Variants in EYA1 observed in about 807,000 individuals in gnomAD.
EYA1 encodes the protein EYA transcriptional coactivator and phosphatase 1, also known as protein phosphatase EYA1.
Under a neutral mutation model 82.0 loss-of-function variants are expected in EYA1, and 16 were observed. The observed-to-expected ratio is 0.20, with a 90% CI of 0.13 to 0.30. The LOEUF (loss-of-function observed/expected upper bound fraction) is 0.30, where lower values mean the gene tolerates loss of function less well. Ranked by LOEUF, EYA1 falls within the 10% of genes least tolerant of loss-of-function variation. The pLI is 1.00. For missense variants in EYA1, 633 were observed against 730.7 expected (o/e 0.87, Z 1.54); for synonymous variants, 261 against 264.4 (o/e 0.99, Z 0.12).
chr8:71,244,511 T>C, intron 12 of EYA1, 92 bp downstream of exon 12: 1 of 730,328 alleles, frequency 1.4e-6, no homozygotes, highest in African/African-American at 1.8e-5. Context: ...ACTATTCCAA[T>C]TATACATTAA....
intron 2 of EYA1, among the ~76,000 whole-genome samples, chr8:71,476,240 T>C (rs2129206688): frequency 6.6e-6 from 1 of 152,262 alleles, no homozygotes; most frequent in South Asian, 2.1e-4. Flanking sequence ...ATTCAATTCT[T>C]CTGGAATAGA....
chr8:71,224,829 T>C lies in EYA1; in HGVS notation c.1141-7806A>G, dbSNP rs999351866. On this transcript the variant is annotated intron_variant, in intron 12 of 17. Coordinates refer to ENST00000340726, the MANE Select transcript of EYA1 (RefSeq NM_000503.6). ...AGGGAATGCTCTCCATGGTGGTTTT[T>C]CGAAATAACTCTCAACTCTCCAGAT... Among the ~76,000 whole-genome samples, 4 of 152,340 alleles carry C rather than the reference T, an allele frequency of 2.6e-5. No homozygotes were observed. The East Asian group carries it at 7.7e-4, about 29-fold the overall frequency.
chr8:71,285,606 G>A (rs985013261), intron 9 of EYA1, among the ~76,000 whole-genome samples: 26 of 152,202 alleles, frequency 1.7e-4, no homozygotes, highest in African/African-American at 6.0e-4. Flanking sequence ...GCAAAGAGAA[G>A]AAATGATAAA....
upstream of EYA1, among the ~76,000 whole-genome samples, chr8:71,366,881 TTAA>T (rs781209041): frequency 4.6e-5 from 7 of 152,142 alleles, no homozygotes; most frequent in Non-Finnish European, 8.8e-5. Context: ...GCCCATAAAG[TTAA>T]TAAAAATCCA....
intron 7 of EYA1, among the ~76,000 whole-genome samples, chr8:71,301,585 G>A (rs1288007803): frequency 6.6e-6 from 1 of 152,060 alleles, no homozygotes; most frequent in Non-Finnish European, 1.5e-5. Context: ...TATTAAGAAG[G>A]GAATCTATAT....
intron 11 of EYA1, among the ~76,000 whole-genome samples, chr8:71,252,458 G>C (rs191151432): frequency 6.6e-5 from 10 of 152,156 alleles, no homozygotes; most frequent in Admixed American, 5.9e-4. Context: ...TACTACTCAA[G>C]GCACTTTCGA....
chr8:71,523,945 G>A (rs1813630702), intron 2 of EYA1, among the ~76,000 whole-genome samples: 1 of 152,132 alleles, frequency 6.6e-6, no homozygotes, highest in South Asian at 2.1e-4. Context: ...GATTTTGTTA[G>A]TCCCCACTAA....
At chr8:71,454,305 C>T (rs1270867751) in intron 2 of EYA1, among the ~76,000 whole-genome samples, 2 of 152,170 alleles carry the variant, frequency 1.3e-5, no homozygotes, top group Non-Finnish European at 2.9e-5. Context: ...GACTTAGTCT[C>T]CCACACAATA....
At chr8:71,539,702 C>G (rs1266761062) in intron 1 of EYA1, among the ~76,000 whole-genome samples, 1 of 152,140 alleles carries the variant, frequency 6.6e-6, no homozygotes, top group Non-Finnish European at 1.5e-5. Flanking sequence ...AGATTTTGGA[C>G]TGTTAATGAA....
intron 4 of EYA1, among the ~76,000 whole-genome samples, chr8:71,326,000 A>G (rs1318180070): frequency 1.3e-5 from 2 of 152,202 alleles, no homozygotes; most frequent in African/African-American, 4.8e-5. Flanking sequence ...TCATCTATCA[A>G]GGTAAATTAA....
intron 6 of EYA1, among the ~76,000 whole-genome samples, chr8:71,319,474 T>A (rs147136190): frequency 1.3e-5 from 2 of 152,112 alleles, no homozygotes; most frequent in African/African-American, 4.8e-5. Context: ...TGGTTCCAGA[T>A]GGGGATCTTT....
intron 9 of EYA1, among the ~76,000 whole-genome samples, chr8:71,275,479 G>C (rs140314019): frequency 9.9e-5 from 15 of 152,274 alleles, no homozygotes; most frequent in Non-Finnish European, 1.9e-4. Flanking sequence ...AAGAAATATG[G>C]GCTGGGTTTA....
At chr8:71,488,322 T>C (rs1810724914) in intron 2 of EYA1, among the ~76,000 whole-genome samples, 1 of 151,942 alleles carries the variant, frequency 6.6e-6, no homozygotes, top group Non-Finnish European at 1.5e-5. Context: ...GATAATATAA[T>C]ATATATCAAT....
intron 2 of EYA1, among the ~76,000 whole-genome samples, chr8:71,472,919 A>C (rs1445233176): frequency 6.6e-6 from 1 of 151,404 alleles, no homozygotes; most frequent in South Asian, 2.1e-4. Context: ...TTGGGGTGGG[A>C]GAAGAGTATA....
intron 1 of EYA1, among the ~76,000 whole-genome samples, chr8:71,545,558 C>CTTTTTTT (rs34093503): frequency 6.0e-5 from 6 of 100,350 alleles, no homozygotes; most frequent in Admixed American, 1.2e-4. Context: ...TATTTTGTTC[C>CTTTTTTT]TTTTTTTTTT....
rs1806475021 is a variant in EYA1 at position 71,198,120 on chromosome 8, A to G, written c.*1220T>C. The G allele has an allele frequency of 6.6e-6, 1 of 151,548 alleles. No individual in the cohort carries two copies. The highest frequency in any genetic ancestry group is 6.9e-5 in the Admixed American group (1 of 14,572). 9.4% of individuals were successfully genotyped at this position (151,548 alleles called of 1,614,324 possible). A position where few individuals can be genotyped will look rare whatever the true frequency, so the allele number is the denominator to read the frequency against. On this transcript the variant is annotated 3_prime_UTR_variant, in exon 18 of 18. Transcript: ENST00000340726. ...AAAGAAAATGCAGACACGATAATTA[A>G]TAATTCTGAGCACATGAAAACTTTG...
chr8:71,230,160 T>C (rs1811024061), intron 12 of EYA1, among the ~76,000 whole-genome samples: 1 of 152,046 alleles, frequency 6.6e-6, no homozygotes, highest in Admixed American at 6.6e-5. Flanking sequence ...TCTCTTGCAC[T>C]ATTCAACCTT....
intron 3 of EYA1, among the ~76,000 whole-genome samples, chr8:71,346,642 T>G (rs1216579138): frequency 6.6e-6 from 1 of 151,858 alleles, no homozygotes; most frequent in Non-Finnish European, 1.5e-5. Context: ...ACAGTTGAAG[T>G]TTCTATTTAT....
chr8:71,509,910 A>G (rs1246822107), intron 2 of EYA1, among the ~76,000 whole-genome samples: 10 of 152,096 alleles, frequency 6.6e-5, no homozygotes, highest in Non-Finnish European at 1.5e-4. Flanking sequence ...CGCTGTGCAC[A>G]AACAGAATGC....
Sources: allele counts gnomAD v4.1 joint callset (sites outside exome capture counted in the v4.1 genomes callset), GRCh38; gene constraint gnomAD v4.1.1; transcripts MANE v1.5; gene names NCBI Gene and HGNC (gene_info 2026-07-23, HGNC 2026-07-21).